STK32C: variants seen among roughly 807,000 people sequenced by gnomAD.
STK32C encodes serine/threonine kinase 32C, also known as serine/threonine-protein kinase 32C.
STK32C carries 31 observed loss-of-function variants against 56.5 expected under a neutral mutation model. That is an observed-to-expected ratio of 0.55 (90% confidence interval 0.41 to 0.74). The LOEUF is 0.74. STK32C is among the 30% of genes least tolerant of loss of function. The pLI, the probability that STK32C is intolerant of heterozygous loss-of-function variation, is 0.00. For synonymous variants in STK32C, 309 were observed against 289.4 expected, an observed-to-expected ratio of 1.07 and a Z score of -0.69; for missense variants, 544 against 676.9, an observed-to-expected ratio of 0.80 and a Z score of 2.18.
chr10:132,222,883 AC>A lies in STK32C; in HGVS notation c.1096del (p.Val366TrpfsTer23). 1 of 1,574,726 alleles carries A rather than the reference AC, an allele frequency of 6.4e-7. No homozygotes were observed. On this transcript the variant is annotated frameshift_variant, in exon 9 of 12. Coordinates refer to ENST00000298630, the MANE Select transcript of STK32C (RefSeq NM_173575.4). LOFTEE classifies it high-confidence loss of function. ...VLWDHLSEKRVEPGFVPNKGR... is the reference protein window; with the variant it reads ...VLWDHLSEKRXEPGFVPNKGR... ...TACGTTGGGCACGAAGCCCGGCTCCACCCTCTTCTCGCTCAGGTGGTCCCAC... is the reference window on the plus strand; with the variant it reads ...TACGTTGGGCACGAAGCCCGGCTCCACCTCTTCTCGCTCAGGTGGTCCCAC...
rs889629188 is a variant in STK32C at position 132,255,443 on chromosome 10, C to A, written c.263-9488G>T. Among the ~76,000 whole-genome samples, 1 of 152,078 alleles carries A rather than the reference C, an allele frequency of 6.6e-6. No homozygotes were observed. The highest frequency in any genetic ancestry group is 2.4e-5 in the African/African-American group (1 of 41,394). On this transcript the variant is annotated intron_variant, in intron 1 of 11. Transcript: ENST00000298630. The surrounding 1 kb of genome is among the most constrained non-coding windows in gnomAD (Gnocchi z 4.6). ...CCCCTCACCCTCTTGCCATGGCCTG[C>A]GGGAACAAAGACCCACCACGCTGAC...
At chr10:132,224,349 A>C in intron 8 of STK32C, 58 bp downstream of exon 8, 1 of 1,288,442 alleles carries the variant, frequency 7.8e-7, no homozygotes, top group Non-Finnish European at 1.1e-6. Flanking sequence ...AGCCGCAGGT[A>C]AGTGAGGGAG....
At chr10:132,330,529 AGACAGGGTCTCGCTG>A (rs1163331457) in intron 1 of STK32C, 1 of 716,342 alleles carries the variant, frequency 1.4e-6, no homozygotes, top group East Asian at 2.7e-5. Context: ...TTTTTTTTTG[AGACAGGGTCTCGCTG>A]TCACCGAAGC....
chr10:132,296,374 C>T (rs144915218), intron 1 of STK32C, among the ~76,000 whole-genome samples: 9 of 152,010 alleles, frequency 5.9e-5, no homozygotes, highest in East Asian at 1.9e-4. Context: ...CAGTTCACAA[C>T]GAGGTATGGA....
At chr10:132,232,834 G>A (rs2063148938) in intron 2 of STK32C, among the ~76,000 whole-genome samples, 2 of 152,046 alleles carry the variant, frequency 1.3e-5, no homozygotes, top group East Asian at 1.9e-4. Context: ...CCACTGACGG[G>A]GAGGCCACAG....
chr10:132,208,444 C>T (rs184230832), intron 11 of STK32C, among the ~76,000 whole-genome samples: 1 of 152,210 alleles, frequency 6.6e-6, no homozygotes, highest in Non-Finnish European at 1.5e-5. Flanking sequence ...CTCGGCTAAG[C>T]CTCATTCTTC....
At chr10:132,248,837 C>T (rs929740340) in intron 1 of STK32C, among the ~76,000 whole-genome samples, 1 of 152,222 alleles carries the variant, frequency 6.6e-6, no homozygotes, top group African/African-American at 2.4e-5. Context: ...AGCACAGAGC[C>T]CTAAGCCTCT....
At chr10:132,309,619 C>A (rs1452561552), upstream of STK32C, among the ~76,000 whole-genome samples, 2 of 152,204 alleles carry the variant, frequency 1.3e-5, no homozygotes, top group Non-Finnish European at 2.9e-5. Context: ...CATTCTCCAG[C>A]AGGCACGCAG....
intron 2 of STK32C, among the ~76,000 whole-genome samples, chr10:132,237,895 T>C (rs933475355): frequency 3.3e-5 from 5 of 152,188 alleles, no homozygotes; most frequent in African/African-American, 9.7e-5. Context: ...CTCTAATCAG[T>C]GCTGCCATCC....
chr10:132,258,979 A>G (rs898511133), intron 1 of STK32C, among the ~76,000 whole-genome samples: 1 of 152,244 alleles, frequency 6.6e-6, no homozygotes, highest in Non-Finnish European at 1.5e-5. Context: ...ATCATCTCCA[A>G]CTAAAAGCAT....
intron 11 of STK32C, 42 bp downstream of exon 11, chr10:132,208,992 C>A (rs200140161): frequency 1.3e-6 from 2 of 1,593,904 alleles, no homozygotes; most frequent in East Asian, 4.5e-5. Flanking sequence ...CCCCATTTTC[C>A]TCCTCTCTGC....
chr10:132,215,047 GTCTC>G (rs1217677068), intron 10 of STK32C, among the ~76,000 whole-genome samples: 2 of 152,186 alleles, frequency 1.3e-5, no homozygotes, highest in Admixed American at 6.5e-5. Context: ...AAGACAGCGT[GTCTC>G]TCTGTTACCC....
At position 132,307,608 on chromosome 10, in the gene STK32C, TG is replaced by T; in HGVS notation, c.225del (p.Thr76ProfsTer13). ...TCGTCAAACACCGGCCTCCGCGCGG[TG>T]GCCGCCGACATGGACGAGCCCATCC... ...KKRMGSSMSAATARRPVFDDK... is the reference protein window; with the variant it reads ...KKRMGSSMSAXTARRPVFDDK... On this transcript the variant is annotated frameshift_variant, in exon 1 of 12. Transcript: ENST00000298630. LOFTEE classifies it high-confidence loss of function. This position sits in a 1 kb window ranked among gnomAD's most constrained non-coding sequence, Gnocchi z 4.4. 1 of 1,393,010 alleles carries T rather than the reference TG, an allele frequency of 7.2e-7. No homozygotes were observed. The highest frequency in any genetic ancestry group is 9.5e-7 in the Non-Finnish European group (1 of 1,050,740). 86.3% of individuals were successfully genotyped at this position (1,393,010 alleles called of 1,614,324 possible).
intron 4 of STK32C, 98 bp downstream of exon 4, chr10:132,226,697 C>T (rs2062904125): frequency 1.4e-6 from 2 of 1,449,226 alleles, no homozygotes; most frequent in Middle Eastern, 1.9e-4. Context: ...GCTAGACCCG[C>T]TCTGAGGGAG....
chr10:132,264,184 T>C (rs1402786045), intron 1 of STK32C, among the ~76,000 whole-genome samples: 1 of 152,210 alleles, frequency 6.6e-6, no homozygotes, highest in East Asian at 1.9e-4. Context: ...TTCTCAACAT[T>C]GTCAATGCAC....
At position 132,224,636 on chromosome 10, in the gene STK32C, G is replaced by A. The variant is rs966017024; in HGVS notation, c.877-113C>T. On this transcript the variant is annotated intron_variant, in intron 7 of 11. Transcript: ENST00000298630. ...AGGACCCCCTCCCCCCACCCCAAGT[G>A]CAGGCACAGCTCTGAGCACAGCCTG... The A allele has an allele frequency of 1.2e-5, 9 of 759,294 alleles. No homozygotes were observed. The Admixed American group carries it at 1.8e-4, about 16-fold the overall frequency. The allele number at this position is 759,294 out of a possible 1,614,324, so 47.0% of individuals were successfully genotyped here.
intron 3 of STK32C, 31 bp from the exon 4 acceptor site, chr10:132,226,999 G>A (rs200655077): frequency 3.7e-5 from 59 of 1,609,850 alleles, no homozygotes; most frequent in African/African-American, 5.3e-5. Context: ...CCTGTTGTGC[G>A]CACAGCTGGG....
chr10:132,237,032 C>T (rs1384347107), intron 2 of STK32C, among the ~76,000 whole-genome samples: 4 of 152,230 alleles, frequency 2.6e-5, no homozygotes, highest in East Asian at 1.9e-4. Flanking sequence ...CCCCTAACGA[C>T]GAGGCCGGCC....
chr10:132,330,209 G>A (rs2066620968), intron 1 of STK32C: 2 of 525,000 alleles, frequency 3.8e-6, no homozygotes, highest in East Asian at 3.3e-5. Context: ...ATTAACTACT[G>A]ACTACAAAAA....
Sources: allele counts gnomAD v4.1 joint callset (sites outside exome capture counted in the v4.1 genomes callset), GRCh38; gene constraint gnomAD v4.1.1; non-coding constraint Gnocchi (gnomAD v3.1); transcripts MANE v1.5; gene names NCBI Gene and HGNC (gene_info 2026-07-23, HGNC 2026-07-21).